Variants in ANKRD44 observed in about 807,000 individuals in gnomAD.
ANKRD44 encodes ankyrin repeat domain 44, also known as serine/threonine-protein phosphatase 6 regulatory ankyrin repeat subunit B.
A neutral mutation model predicts 116.0 loss-of-function variants in ANKRD44; 35 were observed. That is an observed-to-expected ratio of 0.30 (90% CI 0.23 to 0.40). The LOEUF (loss-of-function observed/expected upper bound fraction) is 0.40. Ranked by LOEUF, ANKRD44 falls within the 10% of genes least tolerant of loss-of-function variation. The pLI is 1.00. For synonymous variants in ANKRD44, 435 were observed against 461.8 expected, an observed-to-expected ratio of 0.94 and a Z score of 0.74; for missense variants, 1,014 against 1,242.6, an observed-to-expected ratio of 0.82 and a Z score of 2.77.
At chr2:197,060,929 C>A (rs1285258693) in intron 16 of ANKRD44, among the ~76,000 whole-genome samples, 5 of 152,184 alleles carry the variant, frequency 3.3e-5, no homozygotes, top group Non-Finnish European at 7.3e-5. Flanking sequence ...ATCCATCTAT[C>A]AATGAACACT....
chr2:197,305,967 T>TTTTATATATATATATATATATATATATA (rs1553555500), intron 1 of ANKRD44, among the ~76,000 whole-genome samples: 1 of 124,734 alleles, frequency 8.0e-6, no homozygotes, highest in African/African-American at 3.6e-5. Context: ...GCAGTTCGTT[T>TTTTATATATATATATATATATATATATA]TATATATATA....
At chr2:197,292,022 G>A (rs2083584379) in intron 1 of ANKRD44, among the ~76,000 whole-genome samples, 1 of 152,164 alleles carries the variant, frequency 6.6e-6, no homozygotes, top group African/African-American at 2.4e-5. Context: ...TTTTATGGCT[G>A]CATAGTATTC....
At chr2:197,049,807 A>G (rs999410688) in intron 16 of ANKRD44, among the ~76,000 whole-genome samples, 1 of 152,114 alleles carries the variant, frequency 6.6e-6, no homozygotes, top group Non-Finnish European at 1.5e-5. Flanking sequence ...TGACCTTATC[A>G]GTGATTTTAA....
chr2:196,974,289 C>A (rs968098235), intron 21 of ANKRD44, among the ~76,000 whole-genome samples: 2 of 151,940 alleles, frequency 1.3e-5, no homozygotes, highest in African/African-American at 2.4e-5. Context: ...TGCCATGTTG[C>A]CTAGGTTGGT....
chr2:197,088,831 A>G, intron 11 of ANKRD44, 57 bp from the exon 12 acceptor site: 1 of 1,570,112 alleles, frequency 6.4e-7, no homozygotes, highest in East Asian at 2.3e-5. Flanking sequence ...CTTTTGTCCT[A>G]GTTAAACCAC....
At chr2:197,254,624 CACACACATAT>C (rs935717118) in intron 1 of ANKRD44, among the ~76,000 whole-genome samples, 11 of 142,880 alleles carry the variant, frequency 7.7e-5, no homozygotes, top group Admixed American at 2.1e-4. Context: ...CACACACACA[CACACACATAT>C]ATATATTTGC....
At chr2:197,047,912 GAA>G (rs879398505) in intron 16 of ANKRD44, among the ~76,000 whole-genome samples, 3 of 122,914 alleles carry the variant, frequency 2.4e-5, no homozygotes, top group African/African-American at 5.9e-5. Context: ...TCCGCAAAAA[GAA>G]AAAAAAAAAA....
At chr2:197,171,092 A>G (rs2080222895) in intron 2 of ANKRD44, among the ~76,000 whole-genome samples, 1 of 152,240 alleles carries the variant, frequency 6.6e-6, no homozygotes, top group African/African-American at 2.4e-5. Context: ...AGCTCAGTTG[A>G]ACACAGAAAA....
At chr2:197,072,645 A>G (rs1338241165) in intron 16 of ANKRD44, among the ~76,000 whole-genome samples, 1 of 152,224 alleles carries the variant, frequency 6.6e-6, no homozygotes, top group East Asian at 1.9e-4. Context: ...TTGGCACCTG[A>G]TAAGTGCCTG....
chr2:197,027,981 C>T (rs976115927), intron 16 of ANKRD44, among the ~76,000 whole-genome samples: 6 of 152,070 alleles, frequency 3.9e-5, no homozygotes, highest in African/African-American at 1.2e-4. Context: ...CATGAGCCAC[C>T]GTGCCCAGCC....
intron 2 of ANKRD44, among the ~76,000 whole-genome samples, chr2:197,186,612 CTTTTTTTTTTTTTTTT>C (rs149107038): frequency 0.069 from 3,499 of 50,968 alleles, 115 homozygotes; most frequent in Middle Eastern, 0.19. Flanking sequence ...GCTAATTTTT[CTTTTTTTTTTTTTTTT>C]TTTTTTTTTT....
At chr2:197,180,712 G>A (rs1437656470) in intron 2 of ANKRD44, among the ~76,000 whole-genome samples, 1 of 152,144 alleles carries the variant, frequency 6.6e-6, no homozygotes, top group East Asian at 1.9e-4. Flanking sequence ...ATGTTTAAGA[G>A]TCTTAGACAT....
rs2079444461 is a variant in ANKRD44 at position 197,144,322 on chromosome 2, A to G, written c.190+2705T>C. Among the ~76,000 whole-genome samples, 4 of 152,342 alleles carry G rather than the reference A, an allele frequency of 2.6e-5. No homozygotes were observed. The South Asian group carries it at 8.3e-4, about 32-fold the overall frequency. On this transcript the variant is annotated intron_variant, in intron 3 of 27. Coordinates refer to ENST00000282272, the MANE Select transcript of ANKRD44 (RefSeq NM_001195144.2). ...TGGGCTGTTCTGGCAAGGCCGAATT[A>G]TTTGTCCAACATGGTAATCATTAGC...
chr2:197,027,099 G>A (rs1186805909), intron 16 of ANKRD44, among the ~76,000 whole-genome samples: 2 of 152,054 alleles, frequency 1.3e-5, no homozygotes, highest in Admixed American at 1.3e-4. Context: ...GGTGGCTCAT[G>A]TCTGTAATCC....
At chr2:197,263,819 AG>A (rs1437787058) in intron 1 of ANKRD44, among the ~76,000 whole-genome samples, 1 of 152,166 alleles carries the variant, frequency 6.6e-6, no homozygotes, top group Non-Finnish European at 1.5e-5. Flanking sequence ...TCTCCTCTAT[AG>A]TAACAGAAGC....
At chr2:197,281,036 A>G (rs2083249824) in intron 1 of ANKRD44, among the ~76,000 whole-genome samples, 1 of 150,652 alleles carries the variant, frequency 6.6e-6, no homozygotes, top group African/African-American at 2.4e-5. Flanking sequence ...TTTTTTTGAG[A>G]TATGTCTTGC....
Position 196,992,757 on chromosome 2 carries a change from C to G in ANKRD44, c.2923+826G>C, listed in dbSNP as rs142390539. 7.9e-5 allele frequency: 12 copies of G among 152,786 alleles called. No individual in the cohort carries two copies. The East Asian group carries it at 2.3e-3, about 29-fold the overall frequency. The allele number at this position is 152,786 out of a possible 1,614,324, so 9.5% of individuals were successfully genotyped here. A position where few individuals can be genotyped will look rare whatever the true frequency, so the allele number is the denominator to read the frequency against. ...CTAATAAGAGTTAGCTAATGATAAT[C>G]AGTATGGCTGCTTACTTCTGAGAAA... is the stretch of plus-strand genomic sequence containing the variant. On this transcript the variant is annotated intron_variant, in intron 27 of 27. Coordinates refer to ENST00000282272, the MANE Select transcript of ANKRD44 (RefSeq NM_001195144.2).
At chr2:197,062,588 G>A (rs566864687) in intron 16 of ANKRD44, among the ~76,000 whole-genome samples, 27 of 152,182 alleles carry the variant, frequency 1.8e-4, no homozygotes, top group Non-Finnish European at 1.2e-4. Context: ...CTACCCAAGG[G>A]AAGCACCTGG....
intron 21 of ANKRD44, among the ~76,000 whole-genome samples, chr2:197,004,543 G>C (rs1439575509): frequency 6.6e-6 from 1 of 152,104 alleles, no homozygotes; most frequent in Admixed American, 6.5e-5. Flanking sequence ...CTATTAGATA[G>C]GGAAATGCAA....
Sources: allele counts gnomAD v4.1 joint callset (sites outside exome capture counted in the v4.1 genomes callset), GRCh38; gene constraint gnomAD v4.1.1; transcripts MANE v1.5; gene names NCBI Gene and HGNC (gene_info 2026-07-23, HGNC 2026-07-21).